ZNF84: variants seen among roughly 807,000 people sequenced by gnomAD.
ZNF84 encodes the protein zinc finger protein HPF2.
In ZNF84, 12 loss-of-function variants were observed where a neutral mutation model predicts 14.8. That is an observed-to-expected ratio of 0.81 (90% CI 0.52 to 1.31). The LOEUF (loss-of-function observed/expected upper bound fraction) is 1.31. Among genes scored for constraint, ZNF84 ranks in the 50% most tolerant of loss-of-function variants. The probability of loss-of-function intolerance (pLI) is 0.00; values close to 1 mark genes in which losing one functional copy is unlikely to be tolerated. For missense variants in ZNF84, 859 were observed against 878.6 expected (o/e 0.98, Z 0.28); for synonymous variants, 347 against 291.1 (o/e 1.19, Z -1.96).
intron 2 of ZNF84, among the ~76,000 whole-genome samples, chr12:133,045,789 G>A (rs1408769115): frequency 5.9e-5 from 9 of 151,992 alleles, no homozygotes; most frequent in African/African-American, 2.2e-4. Context: ...GAATTTTTTG[G>A]TTTATATATT....
At chr12:133,043,612 C>CT (rs1358736276) in intron 2 of ZNF84, among the ~76,000 whole-genome samples, 9 of 152,242 alleles carry the variant, frequency 5.9e-5, no homozygotes, top group African/African-American at 2.2e-4. Context: ...CAGGTTTAAT[C>CT]TTTTTGTCCC....
Position 133,043,926 on chromosome 12 carries a change from A to ATT in ZNF84, c.15+2458_15+2459dup, listed in dbSNP as rs61416327. Among the ~76,000 whole-genome samples the ATT allele has an allele frequency of 4.7e-3, 584 of 124,184 alleles. 3 individuals carry two copies. The highest frequency in any genetic ancestry group is 0.016 in the African/African-American group (562 of 35,744). The allele number at this position is 124,184 out of a possible 152,430, so 81.5% of individuals were successfully genotyped here. On this transcript the variant is annotated intron_variant, in intron 2 of 4. Coordinates refer to ENST00000539354, the MANE Select transcript of ZNF84 (RefSeq NM_001289971.2). ...GCCACCACACCCAGCTAATTCTTGT[A>ATT]TTTTTTTTTTTTTTTCCAGTAGAGA...
intron 2 of ZNF84, among the ~76,000 whole-genome samples, chr12:133,043,813 G>A (rs932905515): frequency 1.2e-4 from 19 of 152,058 alleles, no homozygotes; most frequent in African/African-American, 4.6e-4. Context: ...GAGTGCAGTG[G>A]CACAGTGTTG....
intron 2 of ZNF84, 113 bp from the exon 3 acceptor site, chr12:133,047,839 CATA>C: frequency 8.9e-7 from 1 of 1,125,754 alleles, no homozygotes; most frequent in Non-Finnish European, 1.3e-6. Context: ...AAGGTAGAGA[CATA>C]GTAGGCATTT....
intron 1 of ZNF84, among the ~76,000 whole-genome samples, chr12:133,038,698 C>G (rs1953833307): frequency 6.6e-6 from 1 of 152,116 alleles, no homozygotes. Flanking sequence ...TGAAGTCTTC[C>G]TATCCCAGAA....
Position 133,054,360 on chromosome 12 carries a change from C to T in ZNF84, c.239-2594C>T, listed in dbSNP as rs978516491. On this transcript the variant is annotated intron_variant, in intron 4 of 4. Coordinates refer to ENST00000539354, the MANE Select transcript of ZNF84 (RefSeq NM_001289971.2). ...TCACAACACTGCACTTCAATATGGG[C>T]GACAGAGCAAGACCCTGTCTCAAAA... Among the ~76,000 whole-genome samples, 83 of 152,028 alleles carry T rather than the reference C, an allele frequency of 5.5e-4. 2 individuals carry two copies. Among genetic ancestry groups the T allele is most frequent in the African/African-American group, 1.7e-3 (70 of 41,460 alleles).
intron 4 of ZNF84, among the ~76,000 whole-genome samples, chr12:133,051,284 A>G (rs1197305845): frequency 2.0e-5 from 3 of 152,184 alleles, no homozygotes; most frequent in African/African-American, 7.2e-5. Context: ...CACTTAGTTA[A>G]GAAGATGAGA....
intron 2 of ZNF84, among the ~76,000 whole-genome samples, chr12:133,043,738 G>A (rs1953926936): frequency 2.6e-5 from 4 of 151,866 alleles, no homozygotes; most frequent in East Asian, 1.9e-4. Context: ...CTTTGTATAC[G>A]GGAACTTATT....
intron 1 of ZNF84, among the ~76,000 whole-genome samples, chr12:133,039,997 C>T (rs1953858600): frequency 6.6e-6 from 1 of 152,054 alleles, no homozygotes; most frequent in Non-Finnish European, 1.5e-5. Flanking sequence ...GTGCATGCCA[C>T]CACGCCTGGT....
chr12:133,054,645 A>C (rs1954122175), intron 4 of ZNF84, among the ~76,000 whole-genome samples: 1 of 151,320 alleles, frequency 6.6e-6, no homozygotes, highest in Admixed American at 6.6e-5. Context: ...TTAGGTTATA[A>C]ACATTAACTT....
At chr12:133,043,227 G>C (rs971848088) in intron 2 of ZNF84, among the ~76,000 whole-genome samples, 1 of 151,968 alleles carries the variant, frequency 6.6e-6, no homozygotes, top group Non-Finnish European at 1.5e-5. Context: ...ACCCAGGCTG[G>C]AGTGCAATGG....
At chr12:133,046,359 T>G (rs1481179336) in intron 2 of ZNF84, among the ~76,000 whole-genome samples, 315 of 26,550 alleles carry the variant, frequency 0.012, 6 homozygotes, top group Admixed American at 0.026. Flanking sequence ...TTTTTTTTTT[T>G]TTTTTTTTTT....
At position 133,058,078 on chromosome 12, in the gene ZNF84, G is replaced by C. The variant is rs1317369160; in HGVS notation, c.1363G>C (p.Gly455Arg). 1 of 1,614,004 alleles carries C rather than the reference G, an allele frequency of 6.2e-7. No homozygotes were observed. The highest frequency in any genetic ancestry group is 8.5e-7 in the Non-Finnish European group (1 of 1,180,030). Reference protein sequence around the residue: ...HLISHQMTHTGEKPFICSKCG... With the variant: ...HLISHQMTHTREKPFICSKCG... ...CATATCACATCAGATGACACACACA[G>C]GAGAAAAACCCTTTATATGCAGTAA... Residue 455 changes from glycine (G) to arginine (R), a missense_variant, in exon 5 of 5, where the codon GGA becomes CGA. By Grantham distance (125) the Gly-to-Arg change is moderately radical (BLOSUM62 -2). Coordinates refer to ENST00000539354, the MANE Select transcript of ZNF84 (RefSeq NM_001289971.2).
Position 133,058,641 on chromosome 12 carries a change from CATCA to C in ZNF84, c.1931_1934del (p.Asn644IlefsTer91). 6.2e-7 allele frequency: 1 copy of C among 1,614,164 alleles called. No individual in the cohort carries two copies. Among genetic ancestry groups the C allele is most frequent in the Middle Eastern group, 1.6e-4 (1 of 6,062 alleles). On this transcript the variant is annotated frameshift_variant, in exon 5 of 5. Coordinates refer to ENST00000539354, the MANE Select transcript of ZNF84 (RefSeq NM_001289971.2). LOFTEE classifies it low-confidence loss of function (END_TRUNC). ...AAGCCTTCAGGGAGAAGTCAAGTCT[CATCA>C]ATCATCAGAGAATACATACAGGAGA...
rs1954216713 is a variant in ZNF84 at position 133,059,257 on chromosome 12, G to GA, written c.*329dup. The GA allele has an allele frequency of 7.6e-6, 3 of 392,420 alleles. No homozygotes were observed. The highest frequency in any genetic ancestry group is 4.5e-6 in the Non-Finnish European group (1 of 221,676). The allele number at this position is 392,420 out of a possible 1,614,324, so 24.3% of individuals were successfully genotyped here. ...AGAAATATTCCCACTGGGGATGAGG[G>GA]AAAACCCCATGAATGCGGGAAATGA... On this transcript the variant is annotated 3_prime_UTR_variant, in exon 5 of 5. Coordinates refer to ENST00000539354, the MANE Select transcript of ZNF84 (RefSeq NM_001289971.2).
rs1954214279 is a variant in ZNF84, at chr12:133,059,110, C to T, written c.*178C>T. 1 of 606,744 alleles carries T rather than the reference C, an allele frequency of 1.6e-6. No homozygotes were observed. The highest frequency in any genetic ancestry group is 2.7e-6 in the Non-Finnish European group (1 of 366,106). The allele number at this position is 606,744 out of a possible 1,614,324, so 37.6% of individuals were successfully genotyped here. The stretch of plus-strand genomic sequence containing the variant: ...TTCATAGAGTAGAGTGAACCTATGA[C>T]TGCAGTGGATCTCAAAAACTTTTAA... On this transcript the variant is annotated 3_prime_UTR_variant, in exon 5 of 5. Coordinates refer to ENST00000539354, the MANE Select transcript of ZNF84 (RefSeq NM_001289971.2).
intron 2 of ZNF84, among the ~76,000 whole-genome samples, chr12:133,046,086 T>C (rs1177520336): frequency 2.0e-5 from 3 of 152,026 alleles, no homozygotes; most frequent in Non-Finnish European, 4.4e-5. Context: ...AAAAGATGTG[T>C]GCTTGTGTTT....
rs890551166 is a variant in ZNF84, at chr12:133,061,998, A to T, written c.*3066A>T. On this transcript the variant is annotated 3_prime_UTR_variant, in exon 5 of 5. Transcript: ENST00000539354. ...TGTTTCCTACCACAAATTCTACATC[A>T]AGAAGAAAGTTTTAAAGTTAGACTG... 2.0e-5 allele frequency: 3 copies of T among 152,170 alleles called. No individual in the cohort carries two copies. Among genetic ancestry groups the T allele is most frequent in the African/African-American group, 7.2e-5 (3 of 41,450 alleles). The allele number at this position is 152,170 out of a possible 1,614,324, so 9.4% of individuals were successfully genotyped here. A position where few individuals can be genotyped will look rare whatever the true frequency, so the allele number is the denominator to read the frequency against.
chr12:133,043,385 G>T (rs1483812605), intron 2 of ZNF84, among the ~76,000 whole-genome samples: 1 of 151,938 alleles, frequency 6.6e-6, no homozygotes, highest in African/African-American at 2.4e-5. Context: ...GGCTGGTCGC[G>T]AACTCCTGAG....
Sources: gnomAD v4.1 joint callset for allele counts (sites outside exome capture counted in the v4.1 genomes callset) on GRCh38, gnomAD v4.1.1 for gene constraint, MANE v1.5 for transcripts, NCBI Gene and HGNC (gene_info 2026-07-23, HGNC 2026-07-21) for gene names.